Variants in SLC35F4 observed in about 807,000 individuals in gnomAD.
SLC35F4 encodes the protein chromosome 14 open reading frame 36.
SLC35F4 carries 24 observed loss-of-function variants against 44.2 expected under a neutral mutation model. The observed-to-expected ratio is 0.54, with a 90% confidence interval of 0.39 to 0.76. The LOEUF (loss-of-function observed/expected upper bound fraction) is 0.76, where lower values mean the gene tolerates loss of function less well. Among genes scored for constraint, SLC35F4 ranks in the 30% least tolerant of loss-of-function variants. The probability of loss-of-function intolerance (pLI) is 0.00; values close to 1 mark genes in which losing one functional copy is unlikely to be tolerated. For missense variants in SLC35F4, 562 were observed against 586.1 expected, an observed-to-expected ratio of 0.96 and a Z score of 0.42; for synonymous variants, 238 against 223.6, an observed-to-expected ratio of 1.06 and a Z score of -0.57.
intron 1 of SLC35F4, among the ~76,000 whole-genome samples, chr14:57,921,692 T>C (rs1034387731): frequency 3.9e-5 from 6 of 152,220 alleles, no homozygotes; most frequent in African/African-American, 1.4e-4. Flanking sequence ...TCTCCCTGTC[T>C]TCCCTTCATG....
chr14:57,564,775 A>G (rs1422564926), intron 7 of SLC35F4, among the ~76,000 whole-genome samples: 1 of 152,228 alleles, frequency 6.6e-6, no homozygotes, highest in Non-Finnish European at 1.5e-5. Context: ...AAAATTAACC[A>G]TTTTAAAGTG....
downstream of SLC35F4, among the ~76,000 whole-genome samples, chr14:57,973,260 G>A (rs530119087): frequency 1.8e-4 from 27 of 152,242 alleles, no homozygotes; most frequent in East Asian, 5.2e-3. Flanking sequence ...GTAATTATAT[G>A]GGAATAATTG....
chr14:57,820,592 A>G (rs1883074449), intron 1 of SLC35F4, among the ~76,000 whole-genome samples: 1 of 152,254 alleles, frequency 6.6e-6, no homozygotes, highest in Non-Finnish European at 1.5e-5. Flanking sequence ...GAGTATCTGT[A>G]ATGCCACAAA....
intron 1 of SLC35F4, among the ~76,000 whole-genome samples, chr14:57,857,078 C>T (rs1887179235): frequency 6.6e-6 from 1 of 151,894 alleles, no homozygotes; most frequent in South Asian, 2.1e-4. Flanking sequence ...GAGTTCGAGA[C>T]CAGCCCGGCC....
chr14:57,687,542 C>T (rs1025226607), intron 1 of SLC35F4, among the ~76,000 whole-genome samples: 2 of 152,264 alleles, frequency 1.3e-5, no homozygotes, highest in South Asian at 2.1e-4. Context: ...TTCCAAGCTC[C>T]GTGTCCTTAG....
At chr14:57,664,908 G>A (rs370588044) in intron 1 of SLC35F4, among the ~76,000 whole-genome samples, 1 of 152,112 alleles carries the variant, frequency 6.6e-6, no homozygotes, top group Non-Finnish European at 1.5e-5. Context: ...TGAAAACAGA[G>A]CCTAACCAAG....
At chr14:57,634,042 T>C (rs2072911807) in intron 1 of SLC35F4, among the ~76,000 whole-genome samples, 1 of 152,116 alleles carries the variant, frequency 6.6e-6, no homozygotes, top group Admixed American at 6.6e-5. Context: ...CAGAATGATA[T>C]GCTCAGCTGT....
At chr14:57,928,461 C>A (rs1889626270) in intron 1 of SLC35F4, among the ~76,000 whole-genome samples, 1 of 152,216 alleles carries the variant, frequency 6.6e-6, no homozygotes, top group Non-Finnish European at 1.5e-5. Flanking sequence ...CCCACACCCA[C>A]CCAACAGTCA....
chr14:57,698,101 T>C (rs907587108), intron 1 of SLC35F4, among the ~76,000 whole-genome samples: 6 of 152,176 alleles, frequency 3.9e-5, no homozygotes, highest in African/African-American at 1.2e-4. Flanking sequence ...CTTAAGAGAA[T>C]TGAGTTAATA....
chr14:57,683,249 A>C (rs1484783188), intron 1 of SLC35F4, among the ~76,000 whole-genome samples: 2 of 152,186 alleles, frequency 1.3e-5, no homozygotes, highest in Non-Finnish European at 2.9e-5. Flanking sequence ...TACTTTCACA[A>C]AGTCATTTGA....
At chr14:57,621,912 T>A (rs1331853800) in intron 1 of SLC35F4, among the ~76,000 whole-genome samples, 1 of 150,712 alleles carries the variant, frequency 6.6e-6, no homozygotes, top group African/African-American at 2.4e-5. Context: ...TTTTGCAACC[T>A]ACTCATCTGA....
downstream of SLC35F4, among the ~76,000 whole-genome samples, chr14:57,975,352 G>C (rs941057151): frequency 7.9e-5 from 12 of 152,284 alleles, 1 homozygote; most frequent in Admixed American, 7.2e-4. Flanking sequence ...AAACTACTGG[G>C]GTTCCATCAT....
intron 1 of SLC35F4, among the ~76,000 whole-genome samples, chr14:57,780,711 C>A (rs1304965223): frequency 6.6e-6 from 1 of 152,070 alleles, no homozygotes; most frequent in African/African-American, 2.4e-5. Flanking sequence ...GTAACTAAAA[C>A]AGCATGGTAC....
rs59647111 is a variant in SLC35F4, at chr14:57,802,985, CAAA to C, written c.103+62735_103+62737del. On this transcript the variant is annotated intron_variant, in intron 1 of 7. Transcript: ENST00000556826. Reference sequence around the variant, plus strand: ...TGATACCACAACTTGGCAGAGATACCAAAAAAAAAAAAAAAAAAAAAGAAATTG... The same window carrying C: ...TGATACCACAACTTGGCAGAGATACCAAAAAAAAAAAAAAAAAAGAAATTG... Among the ~76,000 whole-genome samples the C allele has an allele frequency of 1.0e-3, 74 of 71,288 alleles. No homozygotes were observed. The Middle Eastern group carries it at 0.03, about 29-fold the overall frequency. The allele number at this position is 71,288 out of a possible 152,430, so 46.8% of individuals were successfully genotyped here.
intron 1 of SLC35F4, among the ~76,000 whole-genome samples, chr14:57,937,610 GAAAAGAAAAGAAAAGAA>G (rs1889832926): frequency 2.6e-5 from 2 of 77,022 alleles, no homozygotes; most frequent in African/African-American, 1.1e-4. Context: ...GAAAAGAAAA[GAAAAGAAAAGAAAAGAA>G]AAGAAAAGAA....
intron 1 of SLC35F4, among the ~76,000 whole-genome samples, chr14:57,647,626 A>G (rs985035802): frequency 6.6e-6 from 1 of 152,112 alleles, no homozygotes; most frequent in Non-Finnish European, 1.5e-5. Flanking sequence ...TTATCTGAAA[A>G]GCTTCCATTG....
chr14:57,622,798 A>G (rs1259996525), intron 1 of SLC35F4, among the ~76,000 whole-genome samples: 1 of 152,160 alleles, frequency 6.6e-6, no homozygotes, highest in Non-Finnish European at 1.5e-5. Context: ...GTGCACATGT[A>G]TCCTAAAACT....
chr14:57,570,045 C>T lies in SLC35F4; in HGVS notation c.934-65G>A, dbSNP rs184086182. 4.3e-6 allele frequency: 6 copies of T among 1,406,338 alleles called. No individual in the cohort carries two copies. In the East Asian group the frequency reaches 1.5e-4, roughly 35 times the overall value. 87.1% of individuals were successfully genotyped at this position (1,406,338 alleles called of 1,614,324 possible). ...AGCCAGAGCAGAAACGTAAGTCTTA[C>T]TGTTCCATACTGTGAGCTAACTGGC... On this transcript the variant is annotated intron_variant, in intron 5 of 7. Transcript: ENST00000556826.
At chr14:57,713,980 T>C (rs2075874325) in intron 1 of SLC35F4, among the ~76,000 whole-genome samples, 1 of 152,100 alleles carries the variant, frequency 6.6e-6, no homozygotes, top group Non-Finnish European at 1.5e-5. Context: ...ACACAAATAT[T>C]TCTGCAGATA....
Sources: allele counts gnomAD v4.1 joint callset (sites outside exome capture counted in the v4.1 genomes callset), GRCh38; gene constraint gnomAD v4.1.1; transcripts MANE v1.5; gene names NCBI Gene and HGNC (gene_info 2026-07-23, HGNC 2026-07-21).